Variants in NXPH1 observed in about 807,000 individuals in gnomAD.
The protein encoded by NXPH1 is neurexophilin 1.
In NXPH1, 5 loss-of-function variants were observed where a neutral mutation model predicts 23.7. The observed-to-expected ratio is 0.21, with a 90% confidence interval of 0.11 to 0.44. The LOEUF (loss-of-function observed/expected upper bound fraction) is 0.44, where lower values mean the gene tolerates loss of function less well. NXPH1 is among the 20% of genes least tolerant of loss of function. The pLI, the probability that NXPH1 is intolerant of heterozygous loss-of-function variation, is 0.99. For missense variants in NXPH1, 324 were observed against 321.6 expected (o/e 1.01, Z -0.06); for synonymous variants, 144 against 122.2 (o/e 1.18, Z -1.18).
At chr7:8,658,832 G>A (rs1002475814) in intron 2 of NXPH1, among the ~76,000 whole-genome samples, 1 of 152,114 alleles carries the variant, frequency 6.6e-6, no homozygotes, top group African/African-American at 2.4e-5. Flanking sequence ...CAAAGTCAGC[G>A]TGAGGTAGAA....
intron 2 of NXPH1, among the ~76,000 whole-genome samples, chr7:8,575,913 A>G (rs1025941567): frequency 6.6e-6 from 1 of 152,064 alleles, no homozygotes; most frequent in Non-Finnish European, 1.5e-5. Context: ...TTCCTTCTTT[A>G]TAGAGTGCTT....
At chr7:8,668,335 T>G (rs980307395) in intron 2 of NXPH1, among the ~76,000 whole-genome samples, 2 of 152,000 alleles carry the variant, frequency 1.3e-5, no homozygotes, top group Admixed American at 1.3e-4. Context: ...CTTATTTTAG[T>G]CTTTGCAGAC....
chr7:8,697,949 A>C (rs1033337753), intron 2 of NXPH1, among the ~76,000 whole-genome samples: 4 of 152,194 alleles, frequency 2.6e-5, no homozygotes, highest in African/African-American at 9.6e-5. Flanking sequence ...GTCATGCAAG[A>C]TAATTTGGAT....
At chr7:8,720,339 T>C (rs1433168928) in intron 2 of NXPH1, among the ~76,000 whole-genome samples, 1 of 152,148 alleles carries the variant, frequency 6.6e-6, no homozygotes, top group East Asian at 1.9e-4. Flanking sequence ...TAAGGCCATC[T>C]CTTGGGGCAG....
intron 2 of NXPH1, among the ~76,000 whole-genome samples, chr7:8,436,092 A>ACT (rs1816188583): frequency 1.3e-5 from 2 of 152,090 alleles, no homozygotes; most frequent in Admixed American, 6.5e-5. Context: ...GAAGGCAGGA[A>ACT]CTCTCAGTAG....
chr7:8,450,958 T>C (rs1442888457), intron 2 of NXPH1, among the ~76,000 whole-genome samples: 2 of 152,192 alleles, frequency 1.3e-5, no homozygotes, highest in Non-Finnish European at 2.9e-5. Context: ...TAGCACTTCA[T>C]TGTAGATTTA....
At chr7:8,595,806 G>T (rs1032037559) in intron 2 of NXPH1, among the ~76,000 whole-genome samples, 1 of 152,054 alleles carries the variant, frequency 6.6e-6, no homozygotes, top group East Asian at 1.9e-4. Context: ...CGTAATGAAA[G>T]GAAAATTGAA....
At chr7:8,720,092 T>C (rs1461952746) in intron 2 of NXPH1, among the ~76,000 whole-genome samples, 1 of 148,302 alleles carries the variant, frequency 6.7e-6, no homozygotes, top group East Asian at 2.0e-4. Flanking sequence ...TGGAGAATGA[T>C]GATTGAGGTT....
At chr7:8,676,902 G>A (rs956848669) in intron 2 of NXPH1, among the ~76,000 whole-genome samples, 4 of 152,134 alleles carry the variant, frequency 2.6e-5, no homozygotes, top group Non-Finnish European at 5.9e-5. Context: ...AACCAAATAT[G>A]TTTACTCATC....
chr7:8,720,881 C>A (rs187154836), intron 2 of NXPH1, among the ~76,000 whole-genome samples: 11 of 152,212 alleles, frequency 7.2e-5, no homozygotes, highest in Admixed American at 6.5e-4. Context: ...ACAACCCAAA[C>A]TGAGGGACAT....
At chr7:8,672,363 T>A (rs966236050) in intron 2 of NXPH1, among the ~76,000 whole-genome samples, 1 of 152,110 alleles carries the variant, frequency 6.6e-6, no homozygotes, top group Non-Finnish European at 1.5e-5. Context: ...GAGATATACC[T>A]AATGCTAAAT....
At chr7:8,466,055 C>G (rs554256984) in intron 2 of NXPH1, among the ~76,000 whole-genome samples, 71 of 152,248 alleles carry the variant, frequency 4.7e-4, no homozygotes, top group African/African-American at 1.7e-3. Flanking sequence ...ATGAAATGAT[C>G]TGTGAAAAAT....
chr7:8,498,741 T>A (rs1817381035), intron 2 of NXPH1, among the ~76,000 whole-genome samples: 1 of 152,048 alleles, frequency 6.6e-6, no homozygotes, highest in African/African-American at 2.4e-5. Context: ...GGACCTATTA[T>A]GAGCAAAGTC....
chr7:8,694,523 T>C (rs894551899), intron 2 of NXPH1, among the ~76,000 whole-genome samples: 2 of 152,194 alleles, frequency 1.3e-5, no homozygotes, highest in African/African-American at 4.8e-5. Flanking sequence ...CCACATCAGA[T>C]TGGAAAACTA....
Position 8,751,438 on chromosome 7 carries a change from A to C in NXPH1, c.485A>C (p.Asn162Thr), listed in dbSNP as rs762367259. ...AGGCATAATTCAACTGGTCAAGGGA[A>C]TGTATCTGTCAGCTTGGTACCCCCT... ...YFRHNSTGQG[N>T]VSVSLVPPTK... is the part of the protein sequence containing the mutation. Residue 162 changes from asparagine to threonine, a missense_variant, in exon 3 of 3, where the codon AAT (asparagine) becomes ACT (threonine). Coordinates refer to ENST00000405863, the MANE Select transcript of NXPH1 (RefSeq NM_152745.3). The surrounding 1 kb of genome is among the most constrained non-coding windows in gnomAD (Gnocchi z 4.5). The C allele has an allele frequency of 1.2e-6, 2 of 1,613,856 alleles. No homozygotes were observed. The highest frequency in any genetic ancestry group is 2.2e-5 in the South Asian group (2 of 91,090).
chr7:8,623,504 G>A (rs12532809), intron 2 of NXPH1, among the ~76,000 whole-genome samples: 3,622 of 151,804 alleles, frequency 0.024, 217 homozygotes, highest in East Asian at 0.17. Flanking sequence ...AAGAAACAGA[G>A]TAATTAACTA....
intron 2 of NXPH1, among the ~76,000 whole-genome samples, chr7:8,467,137 ATAGAG>A (rs1240002649): frequency 1.3e-5 from 2 of 152,226 alleles, no homozygotes; most frequent in Non-Finnish European, 2.9e-5. Context: ...TCTTCCTATT[ATAGAG>A]TACTTTCTTT....
intron 2 of NXPH1, among the ~76,000 whole-genome samples, chr7:8,614,854 T>C (rs908396797): frequency 6.6e-6 from 1 of 152,068 alleles, no homozygotes; most frequent in African/African-American, 2.4e-5. Flanking sequence ...ATTGTTCTTA[T>C]TGAACATCCT....
At chr7:8,488,539 G>A (rs1402277813) in intron 2 of NXPH1, among the ~76,000 whole-genome samples, 1 of 152,022 alleles carries the variant, frequency 6.6e-6, no homozygotes, top group Non-Finnish European at 1.5e-5. Flanking sequence ...CTCCAACCAT[G>A]GCCGCTTATA....
Sources: gnomAD v4.1 joint callset for allele counts (sites outside exome capture counted in the v4.1 genomes callset) on GRCh38, gnomAD v4.1.1 for gene constraint, Gnocchi (gnomAD v3.1) non-coding constraint, MANE v1.5 for transcripts, NCBI Gene and HGNC (gene_info 2026-07-23, HGNC 2026-07-21) for gene names.